The following CNOT2 variants were observed in gnomAD, a reference collection of about 807,000 sequenced individuals.
The protein encoded by CNOT2 is CCR4-NOT transcription complex subunit 2.
A neutral mutation model predicts 72.1 loss-of-function variants in CNOT2; 7 were observed. The ratio of observed to expected loss-of-function variants is 0.10; its 90% CI spans 0.06 to 0.18. The LOEUF (loss-of-function observed/expected upper bound fraction) is 0.18, where lower values mean the gene tolerates loss of function less well. Among genes scored for constraint, CNOT2 ranks in the 10% least tolerant of loss-of-function variants. CNOT2 has a pLI of 1.00. For missense variants in CNOT2, 345 were observed against 660.3 expected (o/e 0.52, Z 5.23); for synonymous variants, 196 against 225.6 (o/e 0.87, Z 1.17).
rs138140488 is a variant in CNOT2, at chr12:70,317,517, G to T, written c.172-1781G>T. Among the ~76,000 whole-genome samples the T allele has an allele frequency of 1.8e-3, 277 of 150,708 alleles. 1 individual carries two copies. Among genetic ancestry groups the T allele is most frequent in the African/African-American group, 6.5e-3 (269 of 41,122 alleles). ...GATCTGTTGGGTTATAATTGGGAAAGAATATATAGTTTAATTGTATAGATA... is the reference window on the plus strand; with the variant it reads ...GATCTGTTGGGTTATAATTGGGAAATAATATATAGTTTAATTGTATAGATA... On this transcript the variant is annotated intron_variant, in intron 3 of 15. Transcript: ENST00000229195.
chr12:70,336,557 G>A (rs572873263), intron 8 of CNOT2: 1 of 151,802 alleles, frequency 6.6e-6, no homozygotes, highest in Non-Finnish European at 1.5e-5. Flanking sequence ...GTGCCATTCA[G>A]ATATGAATAC....
intron 1 of CNOT2, among the ~76,000 whole-genome samples, chr12:70,248,568 CTG>C (rs1957999157): frequency 1.3e-5 from 2 of 152,168 alleles, no homozygotes; most frequent in African/African-American, 4.8e-5. Context: ...AAATCTGAAA[CTG>C]TGTTTTGAGA....
chr12:70,282,400 A>G (rs535633821), intron 2 of CNOT2, among the ~76,000 whole-genome samples: 1 of 152,314 alleles, frequency 6.6e-6, no homozygotes, highest in East Asian at 1.9e-4. Flanking sequence ...AGAGAACTGT[A>G]AAAATGATTG....
At chr12:70,244,281 T>A (rs181109912) in intron 1 of CNOT2, 1 of 152,270 alleles carries the variant, frequency 6.6e-6, no homozygotes, top group South Asian at 2.1e-4. Flanking sequence ...TTGCAAGTCC[T>A]GGGTTTCTAC....
At chr12:70,328,955 A>G (rs1020931154) in intron 4 of CNOT2, among the ~76,000 whole-genome samples, 17 of 151,922 alleles carry the variant, frequency 1.1e-4, no homozygotes, top group African/African-American at 4.1e-4. Flanking sequence ...TCTAAAATAT[A>G]ATTTTAAAGG....
chr12:70,350,288 G>T (rs1056279715), intron 15 of CNOT2, among the ~76,000 whole-genome samples: 2 of 152,030 alleles, frequency 1.3e-5, no homozygotes, highest in Non-Finnish European at 2.9e-5. Context: ...TGACCTCGTG[G>T]ATCTATCAGG....
intron 4 of CNOT2, among the ~76,000 whole-genome samples, chr12:70,328,885 A>C (rs1350275761): frequency 6.6e-6 from 1 of 151,798 alleles, no homozygotes; most frequent in Non-Finnish European, 1.5e-5. Context: ...CTGGCATTTT[A>C]TGTTGGGTTT....
rs182207624 is a variant in CNOT2, at chr12:70,278,166, G to A, written c.-61G>A. 3.1e-6 allele frequency: 4 copies of A among 1,306,418 alleles called. No homozygotes were observed. Among genetic ancestry groups the A allele is most frequent in the Admixed American group, 3.5e-5 (2 of 56,368 alleles). 80.9% of individuals were successfully genotyped at this position (1,306,418 alleles called of 1,614,324 possible). On this transcript the variant is annotated 5_prime_UTR_variant, in exon 2 of 16. Coordinates refer to ENST00000229195, the MANE Select transcript of CNOT2 (RefSeq NM_014515.7). ...TGGTGGGCGGTCCTTCCTGTGACACGACCCTTGAGTGACAGTTCTATTTGA... is the reference window on the plus strand; with the variant it reads ...TGGTGGGCGGTCCTTCCTGTGACACAACCCTTGAGTGACAGTTCTATTTGA...
chr12:70,263,359 C>CT (rs34262230), intron 1 of CNOT2, among the ~76,000 whole-genome samples: 34 of 151,770 alleles, frequency 2.2e-4, no homozygotes, highest in Non-Finnish European at 4.9e-4. Flanking sequence ...GTATCCTATG[C>CT]TTTTTTTTCC....
intron 2 of CNOT2, among the ~76,000 whole-genome samples, chr12:70,294,890 A>G: frequency 6.6e-6 from 1 of 152,206 alleles, no homozygotes; most frequent in Middle Eastern, 3.2e-3. Flanking sequence ...TCTGGTACGT[A>G]ATTCAGCAAA....
intron 4 of CNOT2, chr12:70,324,264 T>G (rs1327126910): frequency 6.6e-6 from 1 of 151,826 alleles, no homozygotes; most frequent in Non-Finnish European, 1.5e-5. Context: ...ATTATGTATT[T>G]ATTGGGTGCC....
At chr12:70,289,759 A>T (rs547910316) in intron 2 of CNOT2, among the ~76,000 whole-genome samples, 14 of 152,150 alleles carry the variant, frequency 9.2e-5, no homozygotes, top group Non-Finnish European at 1.9e-4. Flanking sequence ...AACTCCTTGC[A>T]TATCATTGTC....
In CNOT2 at chr12:70,256,125, C is replaced by G. The variant is rs538764184; in HGVS notation, c.-96+12645C>G. Among the ~76,000 whole-genome samples the G allele has an allele frequency of 3.2e-4, 48 of 152,220 alleles. No individual in the cohort carries two copies. In the East Asian group the frequency reaches 8.7e-3, roughly 28 times the overall value. The stretch of plus-strand genomic sequence containing the variant: ...ATTCATTCCTCAGAATAATTTATAT[C>G]CTAAGCTTTATGATGAAGAAGGCTT... On this transcript the variant is annotated intron_variant, in intron 1 of 15. Coordinates refer to ENST00000229195, the MANE Select transcript of CNOT2 (RefSeq NM_014515.7).
chr12:70,265,258 G>C (rs1958966403), intron 1 of CNOT2, among the ~76,000 whole-genome samples: 1 of 122,538 alleles, frequency 8.2e-6, no homozygotes, highest in South Asian at 2.5e-4. Flanking sequence ...TACCAAACCT[G>C]GAGTTTCGTT....
intron 2 of CNOT2, among the ~76,000 whole-genome samples, chr12:70,294,891 A>G (rs1490788298): frequency 3.9e-5 from 6 of 152,186 alleles, no homozygotes; most frequent in African/African-American, 1.4e-4. Context: ...CTGGTACGTA[A>G]TTCAGCAAAT....
chr12:70,304,186 C>T (rs1266329434), intron 2 of CNOT2, among the ~76,000 whole-genome samples: 1 of 151,432 alleles, frequency 6.6e-6, no homozygotes, highest in African/African-American at 2.4e-5. Context: ...TCTTCTGAAG[C>T]CTTCTTGTCT....
chr12:70,285,504 C>G (rs1870727941), intron 2 of CNOT2: 1 of 152,202 alleles, frequency 6.6e-6, no homozygotes, highest in African/African-American at 2.4e-5. Flanking sequence ...GCGTGAGCCA[C>G]CGCACCTGGC....
At chr12:70,248,173 A>G (rs1177930584) in intron 1 of CNOT2, among the ~76,000 whole-genome samples, 1 of 152,164 alleles carries the variant, frequency 6.6e-6, no homozygotes, top group African/African-American at 2.4e-5. Context: ...GTACTTACCC[A>G]TGAGCTCATA....
chr12:70,305,469 C>G (rs915185095), intron 2 of CNOT2, among the ~76,000 whole-genome samples: 1 of 151,996 alleles, frequency 6.6e-6, no homozygotes, highest in Non-Finnish European at 1.5e-5. Flanking sequence ...ACCATATCAG[C>G]TAGGAAATGA....
Sources: allele counts gnomAD v4.1 joint callset (sites outside exome capture counted in the v4.1 genomes callset), GRCh38; gene constraint gnomAD v4.1.1; transcripts MANE v1.5; gene names NCBI Gene and HGNC (gene_info 2026-07-23, HGNC 2026-07-21).